B3GAT1: variants seen among roughly 807,000 people sequenced by gnomAD.
The protein encoded by B3GAT1 is beta-1,3-glucuronyltransferase 1, also known as galactosylgalactosylxylosylprotein 3-beta-glucuronosyltransferase 1.
Under a neutral mutation model 28.4 loss-of-function variants are expected in B3GAT1, and 11 were observed. The observed-to-expected ratio is 0.39, with a 90% CI of 0.24 to 0.64. The LOEUF is 0.64. Among genes scored for constraint, B3GAT1 ranks in the 30% least tolerant of loss-of-function variants. The pLI is 0.50. For missense variants in B3GAT1, 375 were observed against 491.0 expected (o/e 0.76, Z 2.23); for synonymous variants, 255 against 223.1 (o/e 1.14, Z -1.27).
intron 1 of B3GAT1, among the ~76,000 whole-genome samples, chr11:134,398,290 A>G (rs1217087511): frequency 6.6e-6 from 1 of 152,116 alleles, no homozygotes; most frequent in African/African-American, 2.4e-5. Flanking sequence ...TGACAAATCC[A>G]CAATTGGGTC....
chr11:134,397,522 AC>A (rs1349699542), intron 1 of B3GAT1, among the ~76,000 whole-genome samples: 1 of 151,550 alleles, frequency 6.6e-6, no homozygotes, highest in East Asian at 1.9e-4. Flanking sequence ...CCCCATTCCC[AC>A]CCAGAGCCAC....
intron 1 of B3GAT1, among the ~76,000 whole-genome samples, chr11:134,405,913 C>A: frequency 6.6e-6 from 1 of 152,240 alleles, no homozygotes; most frequent in East Asian, 1.9e-4. Flanking sequence ...ACCTTCCACC[C>A]CTGGTGGCTT....
At chr11:134,400,070 CTG>C (rs1171173149) in intron 1 of B3GAT1, among the ~76,000 whole-genome samples, 1 of 152,166 alleles carries the variant, frequency 6.6e-6, no homozygotes, top group Non-Finnish European at 1.5e-5. Flanking sequence ...GCTGTTGTCT[CTG>C]TGGTTCTGGG....
chr11:134,405,582 G>A (rs1944716105), intron 1 of B3GAT1, among the ~76,000 whole-genome samples: 2 of 152,132 alleles, frequency 1.3e-5, no homozygotes, highest in African/African-American at 4.8e-5. Context: ...GAGGAGGTGA[G>A]GGGCCCTGGG....
At chr11:134,381,774 G>A (rs1944128470) in intron 5 of B3GAT1, 150 bp downstream of exon 5, 1 of 628,364 alleles carries the variant, frequency 1.6e-6, no homozygotes, top group African/African-American at 1.8e-5. Flanking sequence ...CCAGTGGGAA[G>A]GGGACTGTGG....
intron 1 of B3GAT1, among the ~76,000 whole-genome samples, chr11:134,396,103 G>T (rs1224062373): frequency 2.0e-5 from 3 of 152,258 alleles, no homozygotes; most frequent in Admixed American, 2.0e-4. Flanking sequence ...GAGCCAATCT[G>T]CTAGCAGATG....
chr11:134,384,313 C>A, intron 2 of B3GAT1, 125 bp from the exon 3 acceptor site: 5 of 1,258,468 alleles, frequency 4.0e-6, no homozygotes, highest in African/African-American at 1.5e-5. Flanking sequence ...CTGCTCAGAC[C>A]CCCGCCTTGC....
At chr11:134,403,982 T>TC (rs1565459205) in intron 1 of B3GAT1, among the ~76,000 whole-genome samples, 2 of 62,002 alleles carry the variant, frequency 3.2e-5, no homozygotes, top group Non-Finnish European at 6.0e-5. Flanking sequence ...AGTTTCTTTC[T>TC]TTATATATAT....
At chr11:134,387,304 C>T in intron 2 of B3GAT1, 1 of 520,882 alleles carries the variant, frequency 1.9e-6, no homozygotes, top group South Asian at 2.6e-5. Context: ...GAGTAACAAG[C>T]TCTTCTTTCA....
intron 1 of B3GAT1, chr11:134,391,786 C>T (rs1207623500): frequency 6.6e-6 from 1 of 152,338 alleles, no homozygotes; most frequent in Non-Finnish European, 1.5e-5. Context: ...TGTGACCAAC[C>T]TCAGATCTCA....
chr11:134,398,882 G>C (rs962938855), intron 1 of B3GAT1, among the ~76,000 whole-genome samples: 3 of 152,238 alleles, frequency 2.0e-5, no homozygotes, highest in African/African-American at 7.2e-5. Context: ...ATCAGAGCTA[G>C]TGTGACCTTA....
At chr11:134,390,203 T>C (rs1185728778) in intron 1 of B3GAT1, 1 of 152,284 alleles carries the variant, frequency 6.6e-6, no homozygotes, top group Non-Finnish European at 1.5e-5. Flanking sequence ...CTGGGTCTTG[T>C]GGTCTGAGAT....
chr11:134,407,727 C>T (rs1251533266), intron 1 of B3GAT1, among the ~76,000 whole-genome samples: 3 of 150,524 alleles, frequency 2.0e-5, no homozygotes, highest in Middle Eastern at 3.4e-3. Flanking sequence ...AGTAAATTTG[C>T]TGTAGCTGCA....
Position 134,411,529 on chromosome 11 carries a change from G to T in B3GAT1, c.-282+278C>A, listed in dbSNP as rs1267433852. Among the ~76,000 whole-genome samples, 3 of 152,146 alleles carry T rather than the reference G, an allele frequency of 2.0e-5. No homozygotes were observed. Among genetic ancestry groups the T allele is most frequent in the Non-Finnish European group, 2.9e-5 (2 of 68,014 alleles). On this transcript the variant is annotated intron_variant, in intron 1 of 5. Transcript: ENST00000312527. This position sits in a 1 kb window ranked among gnomAD's most constrained non-coding sequence, Gnocchi z 6.0. ...GAGCCCGGGCCGATTGTTAGAAGCT[G>T]CTGAGAACCAGCTCTTCCCCTAATC...
At chr11:134,380,999 G>T (rs963379520) in intron 5 of B3GAT1, among the ~76,000 whole-genome samples, 3 of 152,160 alleles carry the variant, frequency 2.0e-5, no homozygotes, top group African/African-American at 7.2e-5. Context: ...GGTCCTCTGC[G>T]GGCAAACACA....
intron 1 of B3GAT1, among the ~76,000 whole-genome samples, chr11:134,402,452 G>GT (rs1368004472): frequency 2.0e-5 from 3 of 152,016 alleles, no homozygotes; most frequent in Non-Finnish European, 4.4e-5. Flanking sequence ...TCCCTGCCCC[G>GT]TCTCCCCAGG....
intron 1 of B3GAT1, among the ~76,000 whole-genome samples, chr11:134,410,385 G>A (rs1420541197): frequency 6.6e-6 from 1 of 152,210 alleles, no homozygotes; most frequent in Admixed American, 6.5e-5. Context: ...GGGCACAGAT[G>A]CATTAACTCT....
At position 134,411,530 on chromosome 11, in the gene B3GAT1, C is replaced by G. The variant is rs1245875954; in HGVS notation, c.-282+277G>C. 1.3e-5 allele frequency among the ~76,000 whole-genome samples: 2 copies of G among 152,166 alleles called. No homozygotes were observed. Among genetic ancestry groups the G allele is most frequent in the Non-Finnish European group, 2.9e-5 (2 of 68,018 alleles). ...AGCCCGGGCCGATTGTTAGAAGCTG[C>G]TGAGAACCAGCTCTTCCCCTAATCC... On this transcript the variant is annotated intron_variant, in intron 1 of 5. Transcript: ENST00000312527. This position sits in a 1 kb window ranked among gnomAD's most constrained non-coding sequence, Gnocchi z 6.0.
chr11:134,402,477 T>C (rs1944637526), intron 1 of B3GAT1, among the ~76,000 whole-genome samples: 1 of 152,094 alleles, frequency 6.6e-6, no homozygotes, highest in Non-Finnish European at 1.5e-5. Flanking sequence ...AGGCTCAGGC[T>C]CCTGGAGAAC....
Sources: allele counts gnomAD v4.1 joint callset (sites outside exome capture counted in the v4.1 genomes callset), GRCh38; gene constraint gnomAD v4.1.1; non-coding constraint Gnocchi (gnomAD v3.1); transcripts MANE v1.5; gene names NCBI Gene and HGNC (gene_info 2026-07-23, HGNC 2026-07-21).